The following WDR26 variants were observed in gnomAD, a reference collection of about 807,000 sequenced individuals.
WDR26 encodes the protein WD repeat domain 26.
A neutral mutation model predicts 84.1 loss-of-function variants in WDR26; 5 were observed. The observed-to-expected ratio is 0.06, with a 90% CI of 0.03 to 0.13. The LOEUF is 0.13. Ranked by LOEUF, WDR26 falls within the 10% of genes least tolerant of loss-of-function variation. The pLI is 1.00. For synonymous variants in WDR26, 415 were observed against 389.6 expected (o/e 1.07, Z -0.77); for missense variants, 642 against 974.9 (o/e 0.66, Z 4.55).
chr1:224,428,298 G>A (rs529820958), intron 3 of WDR26, among the ~76,000 whole-genome samples: 54 of 152,200 alleles, frequency 3.5e-4, no homozygotes, highest in African/African-American at 1.0e-3. Flanking sequence ...TCTCAAGGGC[G>A]GCCTCCTAGC....
chr1:224,406,397 G>A lies in WDR26; in HGVS notation c.1459-1827C>T, dbSNP rs76194851. ...TTGAGTTTAGCTTTGAGCCTGGGGG[G>A]ATGGGGGGGAAATTCCAATGGGATG... is the stretch of plus-strand genomic sequence containing the variant. On this transcript the variant is annotated intron_variant, in intron 7 of 13. Transcript: ENST00000414423. Among the ~76,000 whole-genome samples the A allele has an allele frequency of 7.8e-3, 1,190 of 152,164 alleles. 15 individuals are homozygous for A. The highest frequency in any genetic ancestry group is 0.011 in the Non-Finnish European group (739 of 67,998).
chr1:224,391,743 G>T (rs546827587), intron 13 of WDR26, among the ~76,000 whole-genome samples: 3 of 151,866 alleles, frequency 2.0e-5, no homozygotes, highest in South Asian at 2.1e-4. Context: ...TATATTTTTC[G>T]TAAGTTCTAT....
Position 224,389,558 on chromosome 1 carries a change from T to G in WDR26, c.*277A>C. 1.8e-6 allele frequency: 1 copy of G among 540,792 alleles called. No homozygotes were observed. Among genetic ancestry groups the G allele is most frequent in the Non-Finnish European group, 3.2e-6 (1 of 312,474 alleles). The allele number at this position is 540,792 out of a possible 1,614,324, so 33.5% of individuals were successfully genotyped here. On this transcript the variant is annotated 3_prime_UTR_variant, in exon 14 of 14. Coordinates refer to ENST00000414423, the MANE Select transcript of WDR26 (RefSeq NM_001379403.1). ...AAGGAAAAAAATATATATACTGAGT[T>G]CAATGGGTAAGCCTGAATGTAGCAC...
intron 12 of WDR26, among the ~76,000 whole-genome samples, chr1:224,397,531 G>C (rs1013540488): frequency 1.3e-5 from 2 of 152,120 alleles, no homozygotes; most frequent in Non-Finnish European, 2.9e-5. Context: ...TTTTAGATTA[G>C]AGAACAAGTT....
intron 13 of WDR26, among the ~76,000 whole-genome samples, chr1:224,390,431 A>G (rs1280973651): frequency 6.6e-6 from 1 of 152,246 alleles, no homozygotes; most frequent in Non-Finnish European, 1.5e-5. Context: ...TCAGAATCTC[A>G]TACTTTTAAA....
intron 7 of WDR26, among the ~76,000 whole-genome samples, chr1:224,406,999 G>A (rs1365481967): frequency 6.7e-6 from 1 of 150,220 alleles, no homozygotes; most frequent in Non-Finnish European, 1.5e-5. Flanking sequence ...GTGGGTGCCT[G>A]TAATCCCAGC....
intron 6 of WDR26, among the ~76,000 whole-genome samples, 159 bp downstream of exon 6, chr1:224,418,101 T>C (rs1673958325): frequency 6.6e-6 from 1 of 152,172 alleles, no homozygotes. Context: ...TACAGAAATT[T>C]CTCATAATTT....
rs1673035394 is a variant in WDR26 at position 224,388,405 on chromosome 1, T to C, written c.*1430A>G. 6.6e-6 allele frequency: 1 copy of C among 152,246 alleles called. No individual in the cohort carries two copies. Among genetic ancestry groups the C allele is most frequent in the African/African-American group, 2.4e-5 (1 of 41,448 alleles). 9.4% of individuals were successfully genotyped at this position (152,246 alleles called of 1,614,324 possible). ...GGGAATTTCAAGGGAGACTATGTTA[T>C]GTTGTATTCAGCTGTTACGGAGTTT... On this transcript the variant is annotated 3_prime_UTR_variant, in exon 14 of 14. Coordinates refer to ENST00000414423, the MANE Select transcript of WDR26 (RefSeq NM_001379403.1).
intron 6 of WDR26, among the ~76,000 whole-genome samples, chr1:224,414,992 G>A (rs564036247): frequency 2.0e-5 from 3 of 152,268 alleles, no homozygotes; most frequent in African/African-American, 7.2e-5. Flanking sequence ...GGGCTACAGG[G>A]CAAGATCATG....
intron 1 of WDR26, 139 bp downstream of exon 1, chr1:224,433,545 T>A: frequency 8.2e-7 from 1 of 1,220,816 alleles, no homozygotes. Context: ...TCCTGTGTAC[T>A]GGGTCCTGCG....
chr1:224,424,281 T>C (rs1674150012), intron 4 of WDR26, among the ~76,000 whole-genome samples: 1 of 152,236 alleles, frequency 6.6e-6, no homozygotes, highest in African/African-American at 2.4e-5. Flanking sequence ...CATTCTAAAA[T>C]AGCATTTCAC....
At chr1:224,403,178 G>A (rs924122743) in intron 8 of WDR26, among the ~76,000 whole-genome samples, 2 of 151,736 alleles carry the variant, frequency 1.3e-5, no homozygotes, top group Admixed American at 1.3e-4. Flanking sequence ...TCAGCCTCCC[G>A]AGTAGCTGGG....
intron 1 of WDR26, 77 bp downstream of exon 1, chr1:224,433,607 T>TCCCCTTCCCCCCCCCCCC: frequency 4.0e-6 from 1 of 250,554 alleles, no homozygotes; most frequent in Admixed American, 1.0e-4. Context: ...CCCTCCCCCC[T>TCCCCTTCCCCCCCCCCCC]CCGCCCCTTC....
Position 224,426,477 on chromosome 1 carries a change from T to C in WDR26, c.928-1823A>G, listed in dbSNP as rs199711887. Reference sequence around the variant, plus strand: ...TCAAACTGAGACACTCCTGTAACTCTGGGAAAATTACACTTATCAAATTTT... The same window carrying C: ...TCAAACTGAGACACTCCTGTAACTCCGGGAAAATTACACTTATCAAATTTT... On this transcript the variant is annotated intron_variant, in intron 3 of 13. Coordinates refer to ENST00000414423, the MANE Select transcript of WDR26 (RefSeq NM_001379403.1). 3.3e-5 allele frequency among the ~76,000 whole-genome samples: 5 copies of C among 152,132 alleles called. No homozygotes were observed. In the East Asian group the frequency reaches 5.8e-4, roughly 18 times the overall value.
rs950207138 is a variant in WDR26 at position 224,418,319 on chromosome 1, A to G, written c.1260T>C (p.Asn420=). Residue 420 remains asparagine, a synonymous_variant, in exon 6 of 14, where the codon AAT becomes AAC. Transcript: ENST00000414423. ...AATCTAGATTATTATCAAGTTTGGTATTGTGATATAGGCACCGATCCCTTT... is the reference window on the plus strand; with the variant it reads ...AATCTAGATTATTATCAAGTTTGGTGTTGTGATATAGGCACCGATCCCTTT... The G allele has an allele frequency of 6.2e-7, 1 of 1,613,618 alleles. No individual in the cohort carries two copies. Among genetic ancestry groups the G allele is most frequent in the African/African-American group, 1.3e-5 (1 of 75,042 alleles).
intron 12 of WDR26, 169 bp downstream of exon 12, chr1:224,397,928 G>A: frequency 2.7e-6 from 2 of 744,262 alleles, no homozygotes; most frequent in Non-Finnish European, 4.1e-6. Flanking sequence ...GACAATTTGT[G>A]ATAATACAGG....
chr1:224,399,679 GAATT>G (rs1673356838), intron 9 of WDR26, among the ~76,000 whole-genome samples: 1 of 152,062 alleles, frequency 6.6e-6, no homozygotes. Context: ...TGCACGCAGG[GAATT>G]AAGAACAATT....
intron 6 of WDR26, among the ~76,000 whole-genome samples, chr1:224,415,449 CTTTCTTTT>C (rs1323437696): frequency 7.8e-5 from 8 of 102,724 alleles, no homozygotes; most frequent in African/African-American, 3.5e-4. Context: ...ACACGTATTT[CTTTCTTTT>C]TTTTTTTTTT....
chr1:224,418,497 G>C, intron 5 of WDR26, 81 bp from the exon 6 acceptor site: 4 of 1,346,982 alleles, frequency 3.0e-6, no homozygotes, highest in Non-Finnish European at 4.0e-6. Flanking sequence ...ATCTTCTGCT[G>C]TACTTGTTCC....
Sources: gnomAD v4.1 joint callset for allele counts (sites outside exome capture counted in the v4.1 genomes callset) on GRCh38, gnomAD v4.1.1 for gene constraint, MANE v1.5 for transcripts, NCBI Gene and HGNC (gene_info 2026-07-23, HGNC 2026-07-21) for gene names.